SORCS2: variants seen among roughly 807,000 people sequenced by gnomAD.
SORCS2 encodes the protein sortilin related VPS10 domain containing receptor 2.
Under a neutral mutation model 141.6 loss-of-function variants are expected in SORCS2, and 100 were observed. The observed-to-expected ratio is 0.71, with a 90% CI of 0.60 to 0.83. SORCS2 has a LOEUF of 0.83. SORCS2 is among the 40% of genes least tolerant of loss of function. The pLI is 0.00. For synonymous variants in SORCS2, 789 were observed against 676.9 expected, an observed-to-expected ratio of 1.17 and a Z score of -2.57; for missense variants, 1,646 against 1,560.2, an observed-to-expected ratio of 1.05 and a Z score of -0.93.
chr4:7,197,288 T>C (rs1275286139), intron 1 of SORCS2, among the ~76,000 whole-genome samples: 1 of 152,212 alleles, frequency 6.6e-6, no homozygotes, highest in African/African-American at 2.4e-5. Context: ...TGCTTCCAAA[T>C]ACAGTCACAT....
chr4:7,631,155 G>A (rs1211874980), intron 3 of SORCS2, among the ~76,000 whole-genome samples: 1 of 150,994 alleles, frequency 6.6e-6, no homozygotes, highest in Non-Finnish European at 1.5e-5. Flanking sequence ...AGATGGGTTG[G>A]AGCCCTGCCA....
rs576067384 is a variant in SORCS2 at position 7,505,931 on chromosome 4, G to A, written c.549-25599G>A. ...TGGTGTGGGACGTGCCAAGCCCCTA[G>A]TCTTCTGTGCCTCCACTTCCGCGGC... On this transcript the variant is annotated intron_variant, in intron 2 of 26. Transcript: ENST00000507866. Among the ~76,000 whole-genome samples, 214 of 152,314 alleles carry A rather than the reference G, an allele frequency of 1.4e-3. 2 individuals are homozygous for A. Among genetic ancestry groups the A allele is most frequent in the Non-Finnish European group, 2.3e-3 (154 of 68,022 alleles).
intron 2 of SORCS2, among the ~76,000 whole-genome samples, chr4:7,418,457 T>C (rs13105690): frequency 0.72 from 108,908 of 152,076 alleles, 39,248 homozygotes; most frequent in African/African-American, 0.75. Flanking sequence ...AGACCACCCA[T>C]GCAAAGTCTG....
At chr4:7,326,494 G>T (rs11946683) in intron 1 of SORCS2, among the ~76,000 whole-genome samples, 52,964 of 151,984 alleles carry the variant, frequency 0.35, 9,752 homozygotes, top group African/African-American at 0.48. Flanking sequence ...GTGAAGCATG[G>T]GGCTGCCGGC....
intron 3 of SORCS2, 22 bp from the exon 4 acceptor site, chr4:7,638,306 C>A (rs369510540): frequency 6.7e-7 from 1 of 1,496,946 alleles, no homozygotes; most frequent in Non-Finnish European, 8.9e-7. Context: ...GCCCAGGCCT[C>A]ACAACCCGCT....
At chr4:7,704,107 C>T in intron 13 of SORCS2, 70 bp from the exon 14 acceptor site, 2 of 1,444,970 alleles carry the variant, frequency 1.4e-6, no homozygotes, top group Non-Finnish European at 1.9e-6. Context: ...GCTGGACCCG[C>T]CGGGCAGAGT....
At chr4:7,511,439 GACACACACACAC>G (rs138336126) in intron 2 of SORCS2, among the ~76,000 whole-genome samples, 2 of 128,746 alleles carry the variant, frequency 1.6e-5, no homozygotes, top group African/African-American at 5.9e-5. Context: ...GGGTTGGGGA[GACACACACACAC>G]ACACACAGAT....
In SORCS2 at chr4:7,318,054, C is replaced by T. The variant is rs538820973; in HGVS notation, c.481-78234C>T. 1.5e-4 allele frequency among the ~76,000 whole-genome samples: 23 copies of T among 152,302 alleles called. 1 individual carries two copies. The South Asian group carries it at 2.3e-3, about 15-fold the overall frequency. Reference sequence around the variant, plus strand: ...ATGTGAAGGACGCAGGGCAGACAGTCGCGTATCGTGCAAGGTGATACAGCA... The same window carrying T: ...ATGTGAAGGACGCAGGGCAGACAGTTGCGTATCGTGCAAGGTGATACAGCA... On this transcript the variant is annotated intron_variant, in intron 1 of 26. Coordinates refer to ENST00000507866, the MANE Select transcript of SORCS2 (RefSeq NM_020777.3).
At chr4:7,546,513 A>G (rs1335626804) in intron 3 of SORCS2, among the ~76,000 whole-genome samples, 1 of 151,886 alleles carries the variant, frequency 6.6e-6, no homozygotes, top group Non-Finnish European at 1.5e-5. Flanking sequence ...TAAACAATAA[A>G]TGGTGCTGTC....
chr4:7,298,335 T>C (rs1403123436), intron 1 of SORCS2, among the ~76,000 whole-genome samples: 1 of 152,082 alleles, frequency 6.6e-6, no homozygotes, highest in Admixed American at 6.6e-5. Flanking sequence ...AAAGGGAGTA[T>C]GGGAAGTTGG....
intron 4 of SORCS2, among the ~76,000 whole-genome samples, chr4:7,651,026 C>T (rs1009832781): frequency 5.3e-5 from 8 of 151,980 alleles, no homozygotes; most frequent in South Asian, 2.1e-4. Flanking sequence ...AAAAACATAA[C>T]GCAAATCAAA....
chr4:7,704,635 G>A (rs1436540344), intron 14 of SORCS2, among the ~76,000 whole-genome samples: 1 of 152,230 alleles, frequency 6.6e-6, no homozygotes, highest in Non-Finnish European at 1.5e-5. Context: ...TGAGGCTGCA[G>A]CACTGGCCCT....
At chr4:7,739,417 G>A (rs1177317591) in intron 26 of SORCS2, among the ~76,000 whole-genome samples, 1 of 152,136 alleles carries the variant, frequency 6.6e-6, no homozygotes, top group African/African-American at 2.4e-5. Flanking sequence ...AGCCCCCGAT[G>A]GCTTTTTGCT....
chr4:7,424,153 C>T (rs1029289169), intron 2 of SORCS2, among the ~76,000 whole-genome samples: 7 of 152,204 alleles, frequency 4.6e-5, no homozygotes, highest in Non-Finnish European at 1.0e-4. Context: ...GTGTGAAAAG[C>T]GGGTGGTGGG....
chr4:7,680,889 TACC>T (rs1723486366), intron 9 of SORCS2, among the ~76,000 whole-genome samples: 1 of 152,248 alleles, frequency 6.6e-6, no homozygotes, highest in Admixed American at 6.5e-5. Flanking sequence ...AAAAGATCTG[TACC>T]ACCATGTGCC....
intron 2 of SORCS2, among the ~76,000 whole-genome samples, chr4:7,484,835 C>T (rs952295373): frequency 3.9e-5 from 6 of 152,116 alleles, no homozygotes; most frequent in Admixed American, 6.5e-5. Context: ...CCCAGCCTGC[C>T]TCCTCCACGC....
At chr4:7,298,872 C>T (rs566792047) in intron 1 of SORCS2, among the ~76,000 whole-genome samples, 5 of 152,332 alleles carry the variant, frequency 3.3e-5, no homozygotes, top group Admixed American at 2.0e-4. Flanking sequence ...CAGAGCCTGG[C>T]GGAATCAGCC....
chr4:7,221,318 C>T (rs1388207312), intron 1 of SORCS2, among the ~76,000 whole-genome samples: 1 of 152,224 alleles, frequency 6.6e-6, no homozygotes. Context: ...TCCCACCAGA[C>T]CCTGGGCCTA....
rs1232720867 is a variant in SORCS2, at chr4:7,286,965, G to C, written c.480+93839G>C. On this transcript the variant is annotated intron_variant, in intron 1 of 26. Transcript: ENST00000507866. This position sits in a 1 kb window ranked among gnomAD's most constrained non-coding sequence, Gnocchi z 4.1. ...AGGGACCAGGGCCACTGGTACGAAC[G>C]CTTCTTGCATCAGGTGGCTGCAGCC... Among the ~76,000 whole-genome samples the C allele has an allele frequency of 6.6e-6, 1 of 152,160 alleles. No homozygotes were observed. The highest frequency in any genetic ancestry group is 1.5e-5 in the Non-Finnish European group (1 of 68,034).
Sources: allele counts gnomAD v4.1 joint callset (sites outside exome capture counted in the v4.1 genomes callset), GRCh38; gene constraint gnomAD v4.1.1; non-coding constraint Gnocchi (gnomAD v3.1); transcripts MANE v1.5; gene names NCBI Gene and HGNC (gene_info 2026-07-23, HGNC 2026-07-21).